ADARB2: variants seen among roughly 807,000 people sequenced by gnomAD.
ADARB2 encodes adenosine deaminase RNA specific B2 (inactive).
A neutral mutation model predicts 62.2 loss-of-function variants in ADARB2; 25 were observed. The ratio of observed to expected loss-of-function variants is 0.40; its 90% CI spans 0.29 to 0.56. The LOEUF (loss-of-function observed/expected upper bound fraction) is 0.56, where lower values mean the gene tolerates loss of function less well. Among genes scored for constraint, ADARB2 ranks in the 20% least tolerant of loss-of-function variants. The pLI is 0.43. For synonymous variants in ADARB2, 572 were observed against 500.8 expected (o/e 1.14, Z -1.90); for missense variants, 1,071 against 1,077.4 (o/e 0.99, Z 0.08).
chr10:1,182,994 G>T lies in ADARB2; in HGVS notation c.*199C>A. 1 of 622,106 alleles carries T rather than the reference G, an allele frequency of 1.6e-6. No individual in the cohort carries two copies. 38.5% of individuals were successfully genotyped at this position (622,106 alleles called of 1,614,324 possible). A position where few individuals can be genotyped will look rare whatever the true frequency, so the allele number is the denominator to read the frequency against. On this transcript the variant is annotated 3_prime_UTR_variant, in exon 10 of 10. Coordinates refer to ENST00000381312, the MANE Select transcript of ADARB2 (RefSeq NM_018702.4). Reference sequence around the variant, plus strand: ...CATGTGCCCCTGGGTGTGGGGGACAGGGTTCTGGGGCCAGCGATCTGGAAA... The same window carrying T: ...CATGTGCCCCTGGGTGTGGGGGACATGGTTCTGGGGCCAGCGATCTGGAAA...
chr10:1,295,720 C>G (rs1474081830), intron 3 of ADARB2, among the ~76,000 whole-genome samples: 2 of 151,770 alleles, frequency 1.3e-5, no homozygotes, highest in South Asian at 2.1e-4. Context: ...TTAGAATTAC[C>G]TAAGTTTAAA....
intron 1 of ADARB2, among the ~76,000 whole-genome samples, chr10:1,660,188 T>C (rs769570945): frequency 1.3e-5 from 2 of 152,220 alleles, no homozygotes; most frequent in Non-Finnish European, 1.5e-5. Flanking sequence ...GCATGCAGAA[T>C]AGAAGCTCCC....
intron 1 of ADARB2, among the ~76,000 whole-genome samples, chr10:1,419,155 A>C (rs1038215717): frequency 1.3e-5 from 2 of 152,098 alleles, no homozygotes; most frequent in African/African-American, 4.8e-5. Flanking sequence ...GCACAATGGC[A>C]TGATCTTGGC....
intron 4 of ADARB2, among the ~76,000 whole-genome samples, chr10:1,269,820 C>T (rs1234755882): frequency 7.2e-6 from 1 of 139,298 alleles, no homozygotes; most frequent in Non-Finnish European, 1.6e-5. Context: ...TGGTCACCTC[C>T]AGCAGGGATG....
chr10:1,683,106 A>G (rs1834559658), intron 1 of ADARB2, among the ~76,000 whole-genome samples: 1 of 152,240 alleles, frequency 6.6e-6, no homozygotes, highest in African/African-American at 2.4e-5. Context: ...CTTATGGGAT[A>G]GACATGATTT....
rs1396894492 is a variant in ADARB2 at position 1,478,982 on chromosome 10, A to C, written c.101-99822T>G. 2.6e-5 allele frequency among the ~76,000 whole-genome samples: 4 copies of C among 152,326 alleles called. No homozygotes were observed. The East Asian group carries it at 5.8e-4, about 22-fold the overall frequency. The stretch of plus-strand genomic sequence containing the variant: ...CAGATGGGTCTTCACCAACGAATCC[A>C]ATAGCTGGTAGCACCCTCCCAAAAG... On this transcript the variant is annotated intron_variant, in intron 1 of 9. Transcript: ENST00000381312.
rs139793711 is a variant in ADARB2, at chr10:1,513,447, C to T, written c.101-134287G>A. 7.8e-3 allele frequency among the ~76,000 whole-genome samples: 1,194 copies of T among 152,302 alleles called. 9 individuals are homozygous for T. The highest frequency in any genetic ancestry group is 0.01 in the Admixed American group (160 of 15,304). On this transcript the variant is annotated intron_variant, in intron 1 of 9. Coordinates refer to ENST00000381312, the MANE Select transcript of ADARB2 (RefSeq NM_018702.4). ...CTCTGGAGTGTGTGGCTAGCGATGA[C>T]GGCCGTCCTCCGTGGCTCAGGATCC...
intron 1 of ADARB2, among the ~76,000 whole-genome samples, chr10:1,670,736 A>C: frequency 6.6e-6 from 1 of 152,190 alleles, no homozygotes; most frequent in Non-Finnish European, 1.5e-5. Flanking sequence ...GAGGCCGGGC[A>C]CACAGTGGGG....
intron 3 of ADARB2, among the ~76,000 whole-genome samples, chr10:1,353,851 C>A (rs1832168768): frequency 6.6e-6 from 1 of 152,142 alleles, no homozygotes; most frequent in Non-Finnish European, 1.5e-5. Context: ...TAGGAAGACA[C>A]CCTGTATTTC....
At chr10:1,439,991 C>T (rs1257707110) in intron 1 of ADARB2, among the ~76,000 whole-genome samples, 1 of 148,516 alleles carries the variant, frequency 6.7e-6, no homozygotes, top group African/African-American at 2.5e-5. Flanking sequence ...TATGGGGCTC[C>T]TGAGTCTCCC....
intron 4 of ADARB2, among the ~76,000 whole-genome samples, chr10:1,268,141 A>T (rs960438188): frequency 3.3e-5 from 5 of 152,238 alleles, no homozygotes; most frequent in African/African-American, 4.8e-5. Context: ...AAAAGTATCA[A>T]ATGTTAATAG....
chr10:1,392,569 T>C lies in ADARB2; in HGVS notation c.101-13409A>G, dbSNP rs577196901. On this transcript the variant is annotated intron_variant, in intron 1 of 9. Transcript: ENST00000381312. ...ACGCAGGCAGGAGGAGGAGTAACAT[T>C]GCAGACGAAAGGCAAGGAGTTCGTC... Among the ~76,000 whole-genome samples the C allele has an allele frequency of 2.0e-4, 31 of 152,280 alleles. No individual in the cohort carries two copies. The South Asian group carries it at 3.7e-3, about 18-fold the overall frequency.
chr10:1,415,518 C>T (rs559891853), intron 1 of ADARB2, among the ~76,000 whole-genome samples: 57 of 112,526 alleles, frequency 5.1e-4, no homozygotes, highest in African/African-American at 1.2e-3. Flanking sequence ...ACACCTCTTC[C>T]GCATGGTAAG....
chr10:1,609,233 CTTT>C (rs532088192), intron 1 of ADARB2, among the ~76,000 whole-genome samples: 2 of 152,194 alleles, frequency 1.3e-5, no homozygotes, highest in Non-Finnish European at 2.9e-5. Flanking sequence ...GTTTAATAGA[CTTT>C]TTTCCACTGA....
intron 3 of ADARB2, among the ~76,000 whole-genome samples, chr10:1,293,909 G>A (rs1289411649): frequency 3.3e-5 from 5 of 151,960 alleles, no homozygotes; most frequent in South Asian, 2.1e-4. Flanking sequence ...TCGGAGTGTC[G>A]GCAGGGCAAT....
intron 1 of ADARB2, among the ~76,000 whole-genome samples, chr10:1,648,004 T>C (rs1001277436): frequency 2.6e-5 from 4 of 152,148 alleles, no homozygotes; most frequent in African/African-American, 9.7e-5. Context: ...TCTAATTGAG[T>C]GGATACATGT....
intron 1 of ADARB2, among the ~76,000 whole-genome samples, chr10:1,616,885 G>C (rs1833642384): frequency 6.8e-6 from 1 of 147,614 alleles, no homozygotes; most frequent in South Asian, 2.2e-4. Context: ...ACTGGCCTCA[G>C]ACGGTTGCAT....
chr10:1,608,896 T>C (rs543169203), intron 1 of ADARB2, among the ~76,000 whole-genome samples: 22 of 152,228 alleles, frequency 1.4e-4, no homozygotes, highest in African/African-American at 3.9e-4. Context: ...GCCGGCCCTC[T>C]GTCTTGAGCC....
intron 1 of ADARB2, among the ~76,000 whole-genome samples, chr10:1,641,999 C>A (rs140867905): frequency 2.2e-5 from 3 of 136,156 alleles, no homozygotes; most frequent in African/African-American, 5.0e-5. Context: ...GGCTACAGAG[C>A]GAGACTCCAT....
Sources: allele counts gnomAD v4.1 joint callset (sites outside exome capture counted in the v4.1 genomes callset), GRCh38; gene constraint gnomAD v4.1.1; transcripts MANE v1.5; gene names NCBI Gene and HGNC (gene_info 2026-07-23, HGNC 2026-07-21).